Variants in CACNA2D3 observed in about 807,000 individuals in gnomAD.
CACNA2D3 encodes voltage-dependent calcium channel subunit alpha-2/delta-3.
CACNA2D3 carries 60 observed loss-of-function variants against 160.6 expected under a neutral mutation model. The ratio of observed to expected loss-of-function variants is 0.37; its 90% CI spans 0.30 to 0.46. The LOEUF (loss-of-function observed/expected upper bound fraction) is 0.46. Among genes scored for constraint, CACNA2D3 ranks in the 20% least tolerant of loss-of-function variants. The pLI, the probability that CACNA2D3 is intolerant of heterozygous loss-of-function variation, is 1.00. For synonymous variants in CACNA2D3, 558 were observed against 492.9 expected, an observed-to-expected ratio of 1.13 and a Z score of -1.75; for missense variants, 1,205 against 1,365.0, an observed-to-expected ratio of 0.88 and a Z score of 1.85.
chr3:54,519,338 G>T (rs1701608551), intron 5 of CACNA2D3, among the ~76,000 whole-genome samples: 1 of 152,270 alleles, frequency 6.6e-6, no homozygotes, highest in Admixed American at 6.5e-5. Context: ...GAGTAGGCCC[G>T]AACTGCCTTC....
chr3:54,242,947 G>A (rs1021208162), intron 2 of CACNA2D3, among the ~76,000 whole-genome samples: 2 of 152,202 alleles, frequency 1.3e-5, no homozygotes, highest in African/African-American at 4.8e-5. Flanking sequence ...TGACAGTAAA[G>A]CACCTTTAAC....
chr3:54,133,409 A>G (rs721763), intron 2 of CACNA2D3, among the ~76,000 whole-genome samples: 17,465 of 152,062 alleles, frequency 0.11, 1,350 homozygotes, highest in East Asian at 0.25. Flanking sequence ...CAGGTGCTTG[A>G]GCTGTTGTCA....
chr3:54,718,018 ATTGGCTATGCCTATGTATT>A (rs1243058716), intron 11 of CACNA2D3, among the ~76,000 whole-genome samples: 2 of 152,154 alleles, frequency 1.3e-5, no homozygotes, highest in African/African-American at 4.8e-5. Context: ...TTATTTGTAT[ATTGGCTATGCCTATGTATT>A]TTTTGTGAAG....
intron 2 of CACNA2D3, among the ~76,000 whole-genome samples, chr3:54,299,033 C>T (rs1169012034): frequency 1.3e-5 from 2 of 150,428 alleles, no homozygotes; most frequent in Non-Finnish European, 3.0e-5. Flanking sequence ...GGTCTGGATC[C>T]ACAGTCTGCC....
At chr3:54,961,172 A>G (rs1041274440) in intron 27 of CACNA2D3, among the ~76,000 whole-genome samples, 1 of 152,246 alleles carries the variant, frequency 6.6e-6, no homozygotes, top group African/African-American at 2.4e-5. Flanking sequence ...CCTTGTTACT[A>G]TCACTGCTAG....
chr3:54,743,244 A>G (rs555680277), intron 11 of CACNA2D3, among the ~76,000 whole-genome samples: 1 of 152,248 alleles, frequency 6.6e-6, no homozygotes, highest in African/African-American at 2.4e-5. Context: ...AGAAATAAAC[A>G]TAAGTAAACT....
intron 5 of CACNA2D3, among the ~76,000 whole-genome samples, chr3:54,518,917 AGGAAT>A (rs1273449667): frequency 8.7e-6 from 1 of 114,472 alleles, no homozygotes; most frequent in Non-Finnish European, 1.8e-5. Context: ...AGCTAATGTG[AGGAAT>A]TAACAAGTAT....
intron 4 of CACNA2D3, among the ~76,000 whole-genome samples, chr3:54,487,559 G>A (rs780413678): frequency 1.3e-5 from 2 of 152,134 alleles, no homozygotes; most frequent in African/African-American, 2.4e-5. Flanking sequence ...AATCATATTC[G>A]AGGGTCTCCC....
At chr3:54,859,742 G>T (rs1699244574) in intron 17 of CACNA2D3, among the ~76,000 whole-genome samples, 1 of 152,096 alleles carries the variant, frequency 6.6e-6, no homozygotes, top group African/African-American at 2.4e-5. Flanking sequence ...TAGCCTCTGG[G>T]TTCAGGTCTT....
At chr3:54,697,429 G>A (rs1294624893) in intron 11 of CACNA2D3, among the ~76,000 whole-genome samples, 12 of 152,150 alleles carry the variant, frequency 7.9e-5, no homozygotes, top group African/African-American at 1.7e-4. Context: ...TTAGGGAACC[G>A]CCTTCATTTG....
intron 27 of CACNA2D3, among the ~76,000 whole-genome samples, chr3:54,907,538 T>G (rs936236645): frequency 2.0e-5 from 3 of 152,194 alleles, no homozygotes; most frequent in Non-Finnish European, 4.4e-5. Flanking sequence ...AGCTGCTAAA[T>G]TATTATTGTC....
chr3:54,297,906 A>G (rs188235390), intron 2 of CACNA2D3, among the ~76,000 whole-genome samples: 2 of 152,294 alleles, frequency 1.3e-5, no homozygotes, highest in East Asian at 1.9e-4. Context: ...TCCATGGACC[A>G]CTAGCATTAG....
At chr3:54,429,457 C>A (rs1014817286) in intron 4 of CACNA2D3, among the ~76,000 whole-genome samples, 1 of 151,940 alleles carries the variant, frequency 6.6e-6, no homozygotes, top group Non-Finnish European at 1.5e-5. Flanking sequence ...GGAGGAGGGA[C>A]TGGGTAGGTG....
In CACNA2D3 at chr3:54,311,574, G is replaced by A. The variant is rs551632471; in HGVS notation, c.205-8868G>A. Among the ~76,000 whole-genome samples, 6 of 152,324 alleles carry A rather than the reference G, an allele frequency of 3.9e-5. No homozygotes were observed. In the South Asian group the frequency reaches 6.2e-4, roughly 16 times the overall value. On this transcript the variant is annotated intron_variant, in intron 2 of 37. Coordinates refer to ENST00000474759, the MANE Select transcript of CACNA2D3 (RefSeq NM_018398.3). ...GAGCACCCTTGCACATCTGGCAGGA[G>A]TAACATACCTCTACTGCAGACCAGT... is the stretch of plus-strand genomic sequence containing the variant.
intron 5 of CACNA2D3, among the ~76,000 whole-genome samples, chr3:54,554,008 C>G (rs555376325): frequency 6.6e-6 from 1 of 152,296 alleles, no homozygotes; most frequent in East Asian, 1.9e-4. Context: ...CCACGACCTC[C>G]CCACCTCTCC....
intron 35 of CACNA2D3, among the ~76,000 whole-genome samples, chr3:55,038,552 A>G (rs1001738409): frequency 6.6e-6 from 1 of 152,132 alleles, no homozygotes; most frequent in Non-Finnish European, 1.5e-5. Context: ...GCACATATTA[A>G]TATGCACTCA....
chr3:54,618,374 T>TATATACACACAC, intron 9 of CACNA2D3, among the ~76,000 whole-genome samples: 2 of 54,586 alleles, frequency 3.7e-5, no homozygotes, highest in African/African-American at 1.1e-4. Flanking sequence ...TATATATATA[T>TATATACACACAC]GCACACACAC....
Position 54,642,246 on chromosome 3 carries a change from G to A in CACNA2D3, c.1167+5G>A. On this transcript the variant is annotated splice_donor_5th_base_variant and intron_variant, in intron 11 of 37. Transcript: ENST00000474759. ...TACAATTGGCCAGATCGAAAGGTAA[G>A]TTGATGCTGATCCCGTCTGTGCGGT... 1 of 1,576,180 alleles carries A rather than the reference G, an allele frequency of 6.3e-7. No individual in the cohort carries two copies. Among genetic ancestry groups the A allele is most frequent in the Non-Finnish European group, 8.7e-7 (1 of 1,149,104 alleles).
intron 2 of CACNA2D3, among the ~76,000 whole-genome samples, chr3:54,298,991 G>A (rs1193753379): frequency 9.7e-5 from 14 of 144,242 alleles, no homozygotes; most frequent in African/African-American, 1.8e-4. Flanking sequence ...AAAGAGGAAA[G>A]AGTATGGATG....
Sources: gnomAD v4.1 joint callset for allele counts (sites outside exome capture counted in the v4.1 genomes callset) on GRCh38, gnomAD v4.1.1 for gene constraint, MANE v1.5 for transcripts, NCBI Gene and HGNC (gene_info 2026-07-23, HGNC 2026-07-21) for gene names.